Variants in GPC5 observed in about 807,000 individuals in gnomAD.
GPC5 encodes the protein glypican 5.
A neutral mutation model predicts 53.9 loss-of-function variants in GPC5; 47 were observed. The ratio of observed to expected loss-of-function variants is 0.87; its 90% CI spans 0.69 to 1.11. The LOEUF is 1.11. Ranked by LOEUF, GPC5 falls within the 50% of genes most tolerant of loss-of-function variation. GPC5 has a pLI of 0.00. For synonymous variants in GPC5, 286 were observed against 263.3 expected, an observed-to-expected ratio of 1.09 and a Z score of -0.84; for missense variants, 748 against 713.1, an observed-to-expected ratio of 1.05 and a Z score of -0.56.
At chr13:92,179,960 T>C (rs1593967352) in intron 7 of GPC5, among the ~76,000 whole-genome samples, 1 of 152,226 alleles carries the variant, frequency 6.6e-6, no homozygotes, top group Non-Finnish European at 1.5e-5. Flanking sequence ...CTACGGTTTT[T>C]ACTGTGGACA....
At chr13:92,454,562 T>A (rs549706392) in intron 7 of GPC5, among the ~76,000 whole-genome samples, 1 of 152,304 alleles carries the variant, frequency 6.6e-6, no homozygotes, top group Non-Finnish European at 1.5e-5. Context: ...TGGGTGTGAA[T>A]TTATCATGTA....
rs553027885 is a variant in GPC5, at chr13:91,616,345, AGTATC to A, written c.326-76841_326-76837del. 3.9e-5 allele frequency among the ~76,000 whole-genome samples: 6 copies of A among 152,242 alleles called. No homozygotes were observed. The East Asian group carries it at 1.2e-3, about 29-fold the overall frequency. ...GACTTGGTAAAATGGCTCTAGAAAC[AGTATC>A]TATGAGGCTTAGAAACATAGGAAAT... On this transcript the variant is annotated intron_variant, in intron 2 of 7. Transcript: ENST00000377067.
At chr13:92,622,655 C>A (rs1376396185) in intron 7 of GPC5, among the ~76,000 whole-genome samples, 1 of 151,886 alleles carries the variant, frequency 6.6e-6, no homozygotes, top group Admixed American at 6.6e-5. Context: ...GTCTTGAACT[C>A]TTGGGCTCAG....
intron 7 of GPC5, among the ~76,000 whole-genome samples, chr13:92,629,643 C>G (rs1027549876): frequency 6.6e-6 from 1 of 152,110 alleles, no homozygotes; most frequent in Non-Finnish European, 1.5e-5. Context: ...TACAGAGTAT[C>G]TTAAGTCATA....
chr13:91,399,802 C>A (rs940577262), intron 1 of GPC5, among the ~76,000 whole-genome samples: 9 of 152,144 alleles, frequency 5.9e-5, no homozygotes, highest in Non-Finnish European at 1.3e-4. Flanking sequence ...GGAAACCCAA[C>A]CACCCAGTGT....
chr13:92,577,316 G>T (rs2139048362), intron 7 of GPC5, among the ~76,000 whole-genome samples: 1 of 152,154 alleles, frequency 6.6e-6, no homozygotes, highest in East Asian at 1.9e-4. Context: ...TCCAGAGTTG[G>T]CAAGCTATTA....
intron 7 of GPC5, among the ~76,000 whole-genome samples, chr13:92,616,382 G>A (rs1241493800): frequency 6.6e-6 from 1 of 152,096 alleles, no homozygotes; most frequent in Admixed American, 6.6e-5. Flanking sequence ...TATTTAATAA[G>A]ACTATAGCAT....
chr13:92,519,428 C>T, intron 7 of GPC5, among the ~76,000 whole-genome samples: 1 of 152,160 alleles, frequency 6.6e-6, no homozygotes. Flanking sequence ...AACAAACTGT[C>T]TCTCAGACCA....
intron 6 of GPC5, among the ~76,000 whole-genome samples, chr13:92,033,076 C>CTTCTCATTG (rs2040866731): frequency 1.3e-5 from 1 of 75,152 alleles, no homozygotes; most frequent in South Asian, 3.7e-4. Context: ...TGTGTGTGTG[C>CTTCTCATTG]TTCTCATTGA....
At chr13:92,145,355 A>T (rs1198380736) in intron 7 of GPC5, among the ~76,000 whole-genome samples, 1 of 152,180 alleles carries the variant, frequency 6.6e-6, no homozygotes, top group Non-Finnish European at 1.5e-5. Context: ...CAATTAAAAA[A>T]TTACATCATT....
At chr13:91,974,270 G>A (rs2040274978) in intron 6 of GPC5, among the ~76,000 whole-genome samples, 1 of 152,156 alleles carries the variant, frequency 6.6e-6, no homozygotes, top group Non-Finnish European at 1.5e-5. Flanking sequence ...TCTGGCCAGG[G>A]CAATTAGGCA....
rs566993269 is a variant in GPC5, at chr13:92,866,856, A to G, written c.*417A>G. On this transcript the variant is annotated 3_prime_UTR_variant, in exon 8 of 8. Coordinates refer to ENST00000377067, the MANE Select transcript of GPC5 (RefSeq NM_004466.6). ...ATGCAGTATTTCTTAAAGTATTGAA[A>G]TTAGAATATCATGAAATAAATCAAA... is the stretch of plus-strand genomic sequence containing the variant. 302 of 153,056 alleles carry G rather than the reference A, an allele frequency of 2.0e-3. 1 individual carries two copies. Among genetic ancestry groups the G allele is most frequent in the Admixed American group, 3.1e-3 (48 of 15,304 alleles). The allele number at this position is 153,056 out of a possible 1,614,324, so 9.5% of individuals were successfully genotyped here. A position where few individuals can be genotyped will look rare whatever the true frequency, so the allele number is the denominator to read the frequency against.
chr13:91,881,196 G>T (rs1466977726), intron 5 of GPC5, among the ~76,000 whole-genome samples: 2 of 152,050 alleles, frequency 1.3e-5, no homozygotes, highest in Non-Finnish European at 1.5e-5. Context: ...TAAACAAAAG[G>T]TGTCTCATTT....
intron 7 of GPC5, among the ~76,000 whole-genome samples, chr13:92,663,776 T>C (rs1886445736): frequency 7.3e-6 from 1 of 137,374 alleles, no homozygotes; most frequent in African/African-American, 2.7e-5. Context: ...ACACTATATA[T>C]ACACACACTA....
At chr13:91,812,190 C>T (rs191715750) in intron 5 of GPC5, among the ~76,000 whole-genome samples, 1 of 152,296 alleles carries the variant, frequency 6.6e-6, no homozygotes, top group Admixed American at 6.5e-5. Context: ...TTCAGACAAA[C>T]ACTTGCAGAA....
At chr13:92,376,472 T>G (rs1477006450) in intron 7 of GPC5, among the ~76,000 whole-genome samples, 1 of 152,184 alleles carries the variant, frequency 6.6e-6, no homozygotes, top group Non-Finnish European at 1.5e-5. Flanking sequence ...CCCAAATTCA[T>G]GTACTACTCC....
chr13:91,496,179 A>G (rs1288463715), intron 2 of GPC5, among the ~76,000 whole-genome samples: 1 of 152,266 alleles, frequency 6.6e-6, no homozygotes, highest in Non-Finnish European at 1.5e-5. Flanking sequence ...AAAGCTTAAA[A>G]GTAAAATTAT....
intron 7 of GPC5, among the ~76,000 whole-genome samples, chr13:92,467,001 G>C (rs766373902): frequency 6.6e-6 from 1 of 152,094 alleles, no homozygotes; most frequent in African/African-American, 2.4e-5. Flanking sequence ...TCTTCAAACT[G>C]TTCAGGCTGT....
At chr13:92,700,364 A>C (rs1414977101) in intron 7 of GPC5, among the ~76,000 whole-genome samples, 1 of 150,250 alleles carries the variant, frequency 6.7e-6, no homozygotes, top group Non-Finnish European at 1.5e-5. Context: ...TCCTGCATAC[A>C]GCACTCTGAT....
Sources: allele counts gnomAD v4.1 joint callset (sites outside exome capture counted in the v4.1 genomes callset), GRCh38; gene constraint gnomAD v4.1.1; transcripts MANE v1.5; gene names NCBI Gene and HGNC (gene_info 2026-07-23, HGNC 2026-07-21).